Variants in TOP3B observed in about 807,000 individuals in gnomAD.
TOP3B encodes the protein DNA topoisomerase 3-beta-1.
TOP3B carries 45 observed loss-of-function variants against 93.9 expected under a neutral mutation model. The observed-to-expected ratio is 0.48, with a 90% CI of 0.38 to 0.61. The LOEUF is 0.61. Ranked by LOEUF, TOP3B falls within the 20% of genes least tolerant of loss-of-function variation. The probability of loss-of-function intolerance (pLI) is 0.00; values close to 1 mark genes in which losing one functional copy is unlikely to be tolerated. For missense variants in TOP3B, 750 were observed against 1,156.1 expected, an observed-to-expected ratio of 0.65 and a Z score of 5.09; for synonymous variants, 357 against 472.6, an observed-to-expected ratio of 0.76 and a Z score of 3.17.
intron 1 of TOP3B, among the ~76,000 whole-genome samples, chr22:21,979,288 A>G (rs1206474788): frequency 1.3e-5 from 2 of 152,048 alleles, no homozygotes; most frequent in Non-Finnish European, 2.9e-5. Context: ...GTGAGGCACA[A>G]GAGCAGGAAG....
chr22:21,968,916 A>G (rs2071522061), intron 6 of TOP3B, 141 bp from the exon 7 acceptor site: 2 of 844,324 alleles, frequency 2.4e-6, no homozygotes, highest in Non-Finnish European at 3.8e-6. Context: ...AGCCAGTGGG[A>G]GCAGAGTGGG....
chr22:21,972,544 G>A (rs2071682976), intron 4 of TOP3B, 68 bp downstream of exon 4: 2 of 1,250,624 alleles, frequency 1.6e-6, no homozygotes, highest in Non-Finnish European at 2.3e-6. Context: ...GCAAGGGTGG[G>A]CAAAGACATG....
chr22:21,973,321 G>A (rs904291620), intron 3 of TOP3B: 3 of 158,078 alleles, frequency 1.9e-5, no homozygotes, highest in African/African-American at 7.3e-5. Flanking sequence ...CTATCACCCA[G>A]GATGAAGTAC....
In TOP3B at chr22:21,970,666, A is replaced by C; in HGVS notation, c.385-260T>G. ...CTCCCATCTAGAAACATACTCGAAC[A>C]CTCCCTTCTTACTCCCGCCCTCTCT... On this transcript the variant is annotated intron_variant, in intron 5 of 17. Coordinates refer to ENST00000357179, the MANE Select transcript of TOP3B (RefSeq NM_001282112.2). The surrounding 1 kb of genome is among the most constrained non-coding windows in gnomAD (Gnocchi z 4.4). The C allele has an allele frequency of 3.9e-6, 2 of 506,576 alleles. No homozygotes were observed. Among genetic ancestry groups the C allele is most frequent in the Non-Finnish European group, 3.6e-6 (1 of 278,962 alleles). 31.4% of individuals were successfully genotyped at this position (506,576 alleles called of 1,614,324 possible).
At chr22:21,979,810 A>G (rs545507409) in intron 1 of TOP3B, among the ~76,000 whole-genome samples, 292 of 151,610 alleles carry the variant, frequency 1.9e-3, no homozygotes, top group African/African-American at 4.4e-3. Flanking sequence ...GCATGGTGGC[A>G]GGCGCCTGTA....
chr22:21,974,167 T>C (rs1446969473), intron 3 of TOP3B, 190 bp downstream of exon 3: 11 of 607,744 alleles, frequency 1.8e-5, no homozygotes. Context: ...GACCCAGGGC[T>C]GAGTTCCAGA....
In TOP3B at chr22:21,959,232, C is replaced by T; in HGVS notation, c.1805G>A (p.Gly602Asp). The part of the protein sequence containing the change: ...KFHYFVDSIA[G>D]MDELMEVSFS... ...AGACACCTCCATCAACTCATCCATG[C>T]CTGCGGGCAAGCAGAGTGCAGGAGT... The change falls in exon 16 of 18, where the codon GGC becomes GAC. Residue 602 changes from glycine to aspartate, a missense_variant and splice_region_variant. Around this residue, in one of 4 missense-constraint regions of TOP3B, gnomAD observed 737 missense variants for 933.7 expected, o/e 0.79. Transcript: ENST00000357179. 6.2e-7 allele frequency: 1 copy of T among 1,612,346 alleles called. No homozygotes were observed. Among genetic ancestry groups the T allele is most frequent in the South Asian group, 1.1e-5 (1 of 91,080 alleles).
intron 14 of TOP3B, 107 bp from the exon 15 acceptor site, chr22:21,959,843 C>T (rs1054360488): frequency 2.9e-5 from 42 of 1,469,356 alleles, no homozygotes; most frequent in Non-Finnish European, 3.0e-5. Context: ...CGCTCTGGCC[C>T]GTCCTCCTGG....
rs563475154 is a variant in TOP3B, at chr22:21,959,192, C to T, written c.1845G>A (p.Ala615=). 2.5e-5 allele frequency: 40 copies of T among 1,613,584 alleles called. No individual in the cohort carries two copies. Among genetic ancestry groups the T allele is most frequent in the South Asian group, 1.2e-4 (11 of 91,082 alleles). ...ELMEVSFSPL[A]ATGKPLSRCG... is the part of the protein sequence containing the mutation. Reference sequence around the variant, plus strand: ...AGCGTGAGAGGGGCTTGCCTGTGGCCGCCAGGGGCGAGAAAGACACCTCCA... The same window carrying T: ...AGCGTGAGAGGGGCTTGCCTGTGGCTGCCAGGGGCGAGAAAGACACCTCCA... Residue 615 remains alanine, a synonymous_variant, in exon 16 of 18, where the codon GCG becomes GCA. Coordinates refer to ENST00000357179, the MANE Select transcript of TOP3B (RefSeq NM_001282112.2).
chr22:21,969,005 A>C (rs556300223), intron 6 of TOP3B: 32 of 529,756 alleles, frequency 6.0e-5, no homozygotes, highest in Non-Finnish European at 1.1e-4. Flanking sequence ...CTACTGTCTC[A>C]GGCCAGGGAG....
chr22:21,960,595 C>T (rs2071132736), intron 13 of TOP3B, 146 bp from the exon 14 acceptor site: 24 of 1,105,334 alleles, frequency 2.2e-5, no homozygotes, highest in Non-Finnish European at 3.0e-5. Context: ...CCCTGAGCTC[C>T]CCCTGCACTG....
At chr22:21,958,939 G>T in intron 16 of TOP3B, 193 bp downstream of exon 16, 1 of 1,032,092 alleles carries the variant, frequency 9.7e-7, no homozygotes, top group Non-Finnish European at 1.4e-6. Flanking sequence ...TGCACCATGT[G>T]TGTTTGCGTG....
intron 9 of TOP3B, 193 bp from the exon 10 acceptor site, chr22:21,964,508 T>G (rs1405879732): frequency 1.6e-6 from 1 of 628,814 alleles, no homozygotes; most frequent in Admixed American, 2.9e-5. Flanking sequence ...TGTATGAGGC[T>G]GAATCCCGCA....
Position 21,970,432 on chromosome 22 carries a change from G to A in TOP3B, c.385-26C>T. On this transcript the variant is annotated intron_variant, in intron 5 of 17. Transcript: ENST00000357179. The surrounding 1 kb of genome is among the most constrained non-coding windows in gnomAD (Gnocchi z 4.4). ...CTGGGGGTGGGGAGTGGCCAGCTGT[G>A]ACCCACCTCCCAGATCCCTGCCACA... The A allele has an allele frequency of 6.2e-7, 1 of 1,608,186 alleles. No homozygotes were observed. Among genetic ancestry groups the A allele is most frequent in the Middle Eastern group, 1.7e-4 (1 of 6,026 alleles).
At position 21,963,850 on chromosome 22, in the gene TOP3B, GC is replaced by G; in HGVS notation, c.1204+72del. The G allele has an allele frequency of 6.6e-7, 1 of 1,513,096 alleles. No homozygotes were observed. Among genetic ancestry groups the G allele is most frequent in the Non-Finnish European group, 9.1e-7 (1 of 1,096,996 alleles). 93.7% of individuals were successfully genotyped at this position (1,513,096 alleles called of 1,614,324 possible). On this transcript the variant is annotated intron_variant, in intron 11 of 17. Coordinates refer to ENST00000357179, the MANE Select transcript of TOP3B (RefSeq NM_001282112.2). This position sits in a 1 kb window ranked among gnomAD's most constrained non-coding sequence, Gnocchi z 4.8. Reference sequence around the variant, plus strand: ...AAGGAGCCCCCACATTGCCAACAGGGCCTGCAACCTTCACTGTCGCAGCTCG... The same window carrying G: ...AAGGAGCCCCCACATTGCCAACAGGGCTGCAACCTTCACTGTCGCAGCTCG...
intron 7 of TOP3B, 34 bp downstream of exon 7, chr22:21,968,585 A>G (rs1383837577): frequency 4.3e-6 from 7 of 1,610,190 alleles, no homozygotes; most frequent in African/African-American, 4.0e-5. Flanking sequence ...CCAAACCCAG[A>G]AAGCCCCAGC....
chr22:21,958,316 T>C (rs2071012174), intron 17 of TOP3B, 176 bp downstream of exon 17: 1 of 1,449,138 alleles, frequency 6.9e-7, no homozygotes, highest in African/African-American at 1.4e-5. Flanking sequence ...GTGGCACCAC[T>C]GGCTGAGGCC....
At chr22:21,959,535 G>A in intron 15 of TOP3B, 52 bp downstream of exon 15, 1 of 1,553,704 alleles carries the variant, frequency 6.4e-7, no homozygotes, top group South Asian at 1.2e-5. Context: ...TACTGGCCTT[G>A]CTGACAGAGA....
At chr22:21,961,529 A>C (rs1485688889) in intron 13 of TOP3B, 2 of 152,480 alleles carry the variant, frequency 1.3e-5, no homozygotes, top group East Asian at 3.9e-4. Context: ...CAGAGCCCAC[A>C]CTCCACAGTG....
Sources: allele counts gnomAD v4.1 joint callset (sites outside exome capture counted in the v4.1 genomes callset), GRCh38; gene constraint gnomAD v4.1.1; regional missense constraint gnomAD v4.1.1; non-coding constraint Gnocchi (gnomAD v3.1); transcripts MANE v1.5; gene names NCBI Gene and HGNC (gene_info 2026-07-23, HGNC 2026-07-21).